Variants in LOXHD1 observed in about 807,000 individuals in gnomAD.
The protein encoded by LOXHD1 is lipoxygenase homology domain-containing protein 1.
Under a neutral mutation model 248.2 loss-of-function variants are expected in LOXHD1, and 205 were observed. That is an observed-to-expected ratio of 0.83 (90% confidence interval 0.74 to 0.93). The LOEUF is 0.93. Among genes scored for constraint, LOXHD1 ranks in the 40% least tolerant of loss-of-function variants. LOXHD1 has a pLI of 0.00. For missense variants in LOXHD1, 2,930 were observed against 2,971.6 expected (o/e 0.99, Z 0.33); for synonymous variants, 1,113 against 1,162.8 (o/e 0.96, Z 0.87).
chr18:46,525,028 C>T (rs974166283), intron 29 of LOXHD1, 111 bp from the exon 30 acceptor site: 11 of 1,267,878 alleles, frequency 8.7e-6, no homozygotes, highest in African/African-American at 1.5e-5. Flanking sequence ...ACTGAACAGA[C>T]CTTCTTTGCT....
intron 1 of LOXHD1, among the ~76,000 whole-genome samples, chr18:46,656,394 GC>G (rs1421491962): frequency 6.6e-6 from 1 of 152,160 alleles, no homozygotes; most frequent in Non-Finnish European, 1.5e-5. Flanking sequence ...GAAGGACAAG[GC>G]CCTGGGGTCC....
chr18:46,509,898 G>A, intron 34 of LOXHD1, 83 bp from the exon 35 acceptor site: 1 of 1,003,780 alleles, frequency 1.0e-6, no homozygotes, highest in Non-Finnish European at 1.5e-6. Flanking sequence ...GGCCAGGTTT[G>A]GGGTGAGGGA....
rs190960159 is a variant in LOXHD1 at position 46,561,100 on chromosome 18, T to C, written c.2599-555A>G. On this transcript the variant is annotated intron_variant, in intron 18 of 40. Transcript: ENST00000642948. ...GTGCTCTTTTTCAATAACAAAAATT[T>C]CACCCACACCCACAGAGGCCCAAGC... Among the ~76,000 whole-genome samples, 5 of 152,292 alleles carry C rather than the reference T, an allele frequency of 3.3e-5. No homozygotes were observed. The East Asian group carries it at 9.7e-4, about 29-fold the overall frequency.
chr18:46,606,691 C>A (rs2038418664), intron 6 of LOXHD1, among the ~76,000 whole-genome samples: 1 of 152,078 alleles, frequency 6.6e-6, no homozygotes, highest in Non-Finnish European at 1.5e-5. Context: ...TGGTCCCAAG[C>A]ATTTCCAATA....
chr18:46,494,571 C>A (rs999448969), intron 37 of LOXHD1, among the ~76,000 whole-genome samples: 3 of 152,158 alleles, frequency 2.0e-5, no homozygotes, highest in African/African-American at 7.2e-5. Flanking sequence ...TCCACAAACA[C>A]TTTTTCACAT....
At chr18:46,637,863 G>A (rs2144371662) in intron 4 of LOXHD1, among the ~76,000 whole-genome samples, 1 of 152,258 alleles carries the variant, frequency 6.6e-6, no homozygotes, top group South Asian at 2.1e-4. Context: ...AAAGCTTTAA[G>A]CATGTACATT....
intron 34 of LOXHD1, among the ~76,000 whole-genome samples, chr18:46,513,808 T>C (rs184573165): frequency 2.3e-4 from 35 of 152,334 alleles, no homozygotes; most frequent in Non-Finnish European, 2.8e-4. Flanking sequence ...AGGAAACTAA[T>C]ATAGCCCCAA....
chr18:46,559,109 A>C, intron 20 of LOXHD1: 2 of 1,317,486 alleles, frequency 1.5e-6, no homozygotes, highest in South Asian at 2.5e-5. Context: ...CCCTCCCCCT[A>C]GTTTTCCCCC....
At chr18:46,516,740 CCATCATTATCAT>C (rs2035270894) in intron 34 of LOXHD1, among the ~76,000 whole-genome samples, 1 of 151,776 alleles carries the variant, frequency 6.6e-6, no homozygotes, top group Non-Finnish European at 1.5e-5. Flanking sequence ...ACCATCATCA[CCATCATTATCAT>C]CATCATCACC....
At chr18:46,584,821 T>G (rs575664047) in intron 12 of LOXHD1, among the ~76,000 whole-genome samples, 1 of 152,102 alleles carries the variant, frequency 6.6e-6, no homozygotes, top group South Asian at 2.1e-4. Context: ...TTCAACAAAA[T>G]ATTCACAAAA....
At chr18:46,562,275 C>T (rs9960244) in intron 18 of LOXHD1, among the ~76,000 whole-genome samples, 12,541 of 152,208 alleles carry the variant, frequency 0.082, 627 homozygotes, top group African/African-American at 0.13. Flanking sequence ...TCCCTGGGCA[C>T]CGGGTAAGGA....
intron 34 of LOXHD1, among the ~76,000 whole-genome samples, chr18:46,517,229 C>A (rs1386055356): frequency 6.6e-6 from 1 of 152,114 alleles, no homozygotes; most frequent in Non-Finnish European, 1.5e-5. Context: ...AGCCCAAACC[C>A]AGGACTGTCT....
At chr18:46,621,446 G>T (rs1486416138) in intron 4 of LOXHD1, among the ~76,000 whole-genome samples, 2 of 152,216 alleles carry the variant, frequency 1.3e-5, no homozygotes, top group African/African-American at 4.8e-5. Flanking sequence ...TCTGTGCTTA[G>T]GTGCATCTGC....
At chr18:46,538,890 C>T (rs1407213234) in intron 25 of LOXHD1, among the ~76,000 whole-genome samples, 1 of 152,184 alleles carries the variant, frequency 6.6e-6, no homozygotes, top group East Asian at 1.9e-4. Flanking sequence ...GATGGCCTGC[C>T]TGCCCCAACC....
intron 9 of LOXHD1, among the ~76,000 whole-genome samples, chr18:46,593,985 C>A (rs1015955983): frequency 2.0e-5 from 3 of 152,104 alleles, no homozygotes; most frequent in Non-Finnish European, 4.4e-5. Flanking sequence ...AAAGTGTATT[C>A]GTATGTTTTA....
At chr18:46,642,167 C>A in intron 2 of LOXHD1, 131 bp from the exon 3 acceptor site, 1 of 816,572 alleles carries the variant, frequency 1.2e-6, no homozygotes, top group Non-Finnish European at 2.0e-6. Context: ...AACAAGATCC[C>A]ATTCCAAGAT....
chr18:46,605,782 GA>G (rs1453325846), intron 6 of LOXHD1, among the ~76,000 whole-genome samples: 1 of 152,158 alleles, frequency 6.6e-6, no homozygotes, highest in Non-Finnish European at 1.5e-5. Context: ...AGGAAGAAGA[GA>G]GGAGGAGTAG....
At chr18:46,483,874 T>G (rs1287103817) in intron 39 of LOXHD1, 129 bp from the exon 40 acceptor site, 1 of 1,103,870 alleles carries the variant, frequency 9.1e-7, no homozygotes, top group Non-Finnish European at 1.3e-6. Flanking sequence ...CAGGAGCTCA[T>G]GGCAGTCCTG....
chr18:46,588,890 G>A (rs1391152115), intron 12 of LOXHD1, among the ~76,000 whole-genome samples: 6 of 152,186 alleles, frequency 3.9e-5, no homozygotes, highest in South Asian at 2.1e-4. Flanking sequence ...GGTCAAGGGT[G>A]AGGTGAAGTG....
Sources: gnomAD v4.1 joint callset for allele counts (sites outside exome capture counted in the v4.1 genomes callset) on GRCh38, gnomAD v4.1.1 for gene constraint, MANE v1.5 for transcripts, NCBI Gene and HGNC (gene_info 2026-07-23, HGNC 2026-07-21) for gene names.